Variants in ANTXR2 observed in about 807,000 individuals in gnomAD.
ANTXR2 encodes the protein anthrax toxin receptor 2.
A neutral mutation model predicts 73.7 loss-of-function variants in ANTXR2; 44 were observed. That is an observed-to-expected ratio of 0.60 (90% CI 0.47 to 0.77). The LOEUF (loss-of-function observed/expected upper bound fraction) is 0.77, where lower values mean the gene tolerates loss of function less well. ANTXR2 is among the 30% of genes least tolerant of loss of function. ANTXR2 has a pLI of 0.00. For synonymous variants in ANTXR2, 217 were observed against 205.9 expected (o/e 1.05, Z -0.46); for missense variants, 604 against 592.5 (o/e 1.02, Z -0.20).
At chr4:80,003,075 G>A (rs1177764161) in intron 12 of ANTXR2, among the ~76,000 whole-genome samples, 2 of 151,570 alleles carry the variant, frequency 1.3e-5, no homozygotes, top group Non-Finnish European at 2.9e-5. Flanking sequence ...ATACCCAAAG[G>A]ACTATAAATC....
At chr4:79,946,869 C>A (rs1728535683) in intron 16 of ANTXR2, among the ~76,000 whole-genome samples, 1 of 152,034 alleles carries the variant, frequency 6.6e-6, no homozygotes, top group Non-Finnish European at 1.5e-5. Context: ...CAGTTTATAT[C>A]CTATGAGCTA....
chr4:80,009,735 T>G (rs1482534084), intron 11 of ANTXR2, among the ~76,000 whole-genome samples: 1 of 151,468 alleles, frequency 6.6e-6, no homozygotes, highest in African/African-American at 2.4e-5. Context: ...TAATCCCAGC[T>G]ACTCAGGAGG....
At chr4:80,055,885 A>G in intron 4 of ANTXR2, 47 bp downstream of exon 4, 1 of 1,324,282 alleles carries the variant, frequency 7.6e-7, no homozygotes, top group East Asian at 2.6e-5. Context: ...TTCACCACAG[A>G]ATAAGAAAGC....
At chr4:80,068,272 T>A (rs1189965214) in intron 3 of ANTXR2, among the ~76,000 whole-genome samples, 1 of 152,196 alleles carries the variant, frequency 6.6e-6, no homozygotes, top group African/African-American at 2.4e-5. Flanking sequence ...GAAATTCACA[T>A]ATCATGCAAA....
chr4:80,066,769 A>G (rs1254838757), intron 3 of ANTXR2, among the ~76,000 whole-genome samples: 2 of 152,242 alleles, frequency 1.3e-5, no homozygotes, highest in East Asian at 3.8e-4. Flanking sequence ...ATATAGATGA[A>G]AAAAGAAGAA....
chr4:80,046,353 T>A (rs1733515150), intron 7 of ANTXR2, among the ~76,000 whole-genome samples: 1 of 151,770 alleles, frequency 6.6e-6, no homozygotes, highest in African/African-American at 2.4e-5. Flanking sequence ...TATCTGCCAC[T>A]ACTTTTTGGT....
intron 12 of ANTXR2, 37 bp downstream of exon 12, chr4:80,008,484 T>A (rs781203960): frequency 1.4e-6 from 2 of 1,480,220 alleles, no homozygotes; most frequent in East Asian, 4.7e-5. Context: ...ATCTTTCTAA[T>A]TTTTTTTAAG....
chr4:80,043,629 A>G (rs1167358625), intron 7 of ANTXR2, among the ~76,000 whole-genome samples: 1 of 152,062 alleles, frequency 6.6e-6, no homozygotes, highest in Non-Finnish European at 1.5e-5. Context: ...AACTAATTTC[A>G]TGGAATTTTT....
intron 16 of ANTXR2, among the ~76,000 whole-genome samples, chr4:79,956,009 C>T (rs1012313845): frequency 3.9e-5 from 6 of 152,108 alleles, no homozygotes; most frequent in South Asian, 4.1e-4. Flanking sequence ...CTTTTGAACA[C>T]GCTTGTCCCT....
At chr4:80,038,230 T>C (rs556445820) in intron 7 of ANTXR2, among the ~76,000 whole-genome samples, 3 of 152,264 alleles carry the variant, frequency 2.0e-5, no homozygotes, top group African/African-American at 7.2e-5. Flanking sequence ...TTTATATTTG[T>C]TTTCTCTCTT....
intron 7 of ANTXR2, among the ~76,000 whole-genome samples, chr4:80,040,189 G>A (rs1249222175): frequency 3.3e-5 from 5 of 151,774 alleles, no homozygotes; most frequent in Admixed American, 6.6e-5. Context: ...CTGGGTGATG[G>A]GATCAACTGG....
intron 16 of ANTXR2, among the ~76,000 whole-genome samples, chr4:79,911,003 C>T (rs75356598): frequency 0.052 from 7,927 of 152,204 alleles, 278 homozygotes; most frequent in Non-Finnish European, 0.076. Context: ...CAATGCATCC[C>T]GGTTGTAAGT....
At chr4:80,068,641 A>G (rs1734629387) in intron 3 of ANTXR2, among the ~76,000 whole-genome samples, 1 of 152,094 alleles carries the variant, frequency 6.6e-6, no homozygotes, top group Non-Finnish European at 1.5e-5. Flanking sequence ...GTGTGGTGGC[A>G]TGTGCCTATA....
intron 16 of ANTXR2, among the ~76,000 whole-genome samples, chr4:79,917,788 A>G (rs190290669): frequency 1.4e-4 from 21 of 152,194 alleles, no homozygotes; most frequent in Admixed American, 1.3e-3. Context: ...TTAATTCCCA[A>G]TATCTAGTAT....
chr4:80,056,047 C>G, intron 3 of ANTXR2, 34 bp from the exon 4 acceptor site: 1 of 1,398,490 alleles, frequency 7.2e-7, no homozygotes, highest in Non-Finnish European at 9.7e-7. Context: ...AAAAAATGAG[C>G]AAAGAGCAAA....
chr4:80,065,223 T>A (rs573628392), intron 3 of ANTXR2, among the ~76,000 whole-genome samples: 1 of 152,322 alleles, frequency 6.6e-6, no homozygotes, highest in African/African-American at 2.4e-5. Flanking sequence ...TCCCCAATTA[T>A]GCAAAATAAT....
intron 10 of ANTXR2, among the ~76,000 whole-genome samples, chr4:80,020,925 G>A (rs1732127819): frequency 6.6e-6 from 1 of 152,086 alleles, no homozygotes; most frequent in Admixed American, 6.5e-5. Context: ...ACTTTGGGTA[G>A]ATCACGAGGT....
rs570933063 is a variant in ANTXR2 at position 79,906,557 on chromosome 4, G to A, written c.*872C>T. On this transcript the variant is annotated 3_prime_UTR_variant, in exon 17 of 17. Coordinates refer to ENST00000403729, the MANE Select transcript of ANTXR2 (RefSeq NM_058172.6). ...AAAAGCAAAACAAACTTCTAGGTAT[G>A]TTTATGGATATTAATGCTTTATGCA... 2 of 152,668 alleles carry A rather than the reference G, an allele frequency of 1.3e-5. No individual in the cohort carries two copies. The highest frequency in any genetic ancestry group is 1.9e-4 in the East Asian group (1 of 5,182). 9.5% of individuals were successfully genotyped at this position (152,668 alleles called of 1,614,324 possible). A position where few individuals can be genotyped will look rare whatever the true frequency, so the allele number is the denominator to read the frequency against.
chr4:80,033,767 TA>T (rs1367432768), intron 8 of ANTXR2, among the ~76,000 whole-genome samples, 197 bp from the exon 9 acceptor site: 3 of 152,034 alleles, frequency 2.0e-5, no homozygotes, highest in Non-Finnish European at 2.9e-5. Context: ...GTAGTGAAGA[TA>T]CCATTCACTG....
Sources: allele counts gnomAD v4.1 joint callset (sites outside exome capture counted in the v4.1 genomes callset), GRCh38; gene constraint gnomAD v4.1.1; transcripts MANE v1.5; gene names NCBI Gene and HGNC (gene_info 2026-07-23, HGNC 2026-07-21).